ZNF518B: variants seen among roughly 807,000 people sequenced by gnomAD.
The protein encoded by ZNF518B is zinc finger protein 518B.
A neutral mutation model predicts 56.3 loss-of-function variants in ZNF518B; 23 were observed. The observed-to-expected ratio is 0.41, with a 90% CI of 0.29 to 0.58. The LOEUF (loss-of-function observed/expected upper bound fraction) is 0.58, where lower values mean the gene tolerates loss of function less well. Ranked by LOEUF, ZNF518B falls within the 20% of genes least tolerant of loss-of-function variation. The probability of loss-of-function intolerance (pLI) is 0.32; values close to 1 mark genes in which losing one functional copy is unlikely to be tolerated. For missense variants in ZNF518B, 1,460 were observed against 1,272.1 expected (o/e 1.15, Z -2.25); for synonymous variants, 529 against 465.9 (o/e 1.14, Z -1.74).
rs753666558 is a variant in ZNF518B, at chr4:10,446,234, G to A, written c.95C>T (p.Ala32Val). Residue 32 changes from alanine (A) to valine (V), a missense_variant, in exon 3 of 3, where the codon GCA becomes GTA. Transcript: ENST00000326756. ...MSPKQPDANG[A>V]PRPNRQEAQT... is the part of the protein sequence containing the mutation. ...TGCTTCTTGTCTATTTGGCCGAGGT[G>A]CTCCATTAGCATCAGGCTGTTTGGG... is the stretch of plus-strand genomic sequence containing the variant. 1 of 1,614,220 alleles carries A rather than the reference G, an allele frequency of 6.2e-7. No homozygotes were observed. The highest frequency in any genetic ancestry group is 8.5e-7 in the Non-Finnish European group (1 of 1,180,042).
Position 10,446,245 on chromosome 4 carries a change from A to G in ZNF518B, c.84T>C (p.Asp28=). The G allele has an allele frequency of 6.2e-7, 1 of 1,614,240 alleles. No individual in the cohort carries two copies. Among genetic ancestry groups the G allele is most frequent in the Non-Finnish European group, 8.5e-7 (1 of 1,180,052 alleles). ...TATTTGGCCGAGGTGCTCCATTAGC[A>G]TCAGGCTGTTTGGGTGACATGGTCA... ...NSLTMSPKQP[D]ANGAPRPNRQ... The change falls in exon 3 of 3, where the codon GAT becomes GAC. Residue 28 remains aspartate, a synonymous_variant. Coordinates refer to ENST00000326756, the MANE Select transcript of ZNF518B (RefSeq NM_053042.3).
chr4:10,452,026 T>TA (rs1286248361), intron 2 of ZNF518B: 2 of 152,214 alleles, frequency 1.3e-5, no homozygotes, highest in Non-Finnish European at 2.9e-5. Flanking sequence ...AGCTCAGTGT[T>TA]AGTTGACTGT....
chr4:10,445,708 T>C lies in ZNF518B; in HGVS notation c.621A>G (p.Lys207=), dbSNP rs558045840. The change falls in exon 3 of 3, where the codon AAA becomes AAG. Residue 207 remains lysine (K), a synonymous_variant. Coordinates refer to ENST00000326756, the MANE Select transcript of ZNF518B (RefSeq NM_053042.3). ...CCCTTTCATGTACTCTCTTCGTGTG[T>C]TTGACAATATAATCATTTCTAATAG... ...YGAIRNDYIV[K]HTKRVHERAG... is the part of the protein sequence containing the mutation. 6.2e-7 allele frequency: 1 copy of C among 1,614,188 alleles called. No individual in the cohort carries two copies. The highest frequency in any genetic ancestry group is 8.5e-7 in the Non-Finnish European group (1 of 1,180,038).
In ZNF518B at chr4:10,450,241, G is replaced by A. The variant is rs990366442; in HGVS notation, c.-211-3702C>T. ...TAGCAAATGCAGTGTGATGGGGAAG[G>A]CAGGACATCTGGGCCATAAATGAAT... is the stretch of plus-strand genomic sequence containing the variant. On this transcript the variant is annotated intron_variant, in intron 2 of 2. Transcript: ENST00000326756. Among the ~76,000 whole-genome samples the A allele has an allele frequency of 3.9e-5, 6 of 152,316 alleles. No homozygotes were observed. The East Asian group carries it at 1.2e-3, about 29-fold the overall frequency.
rs777245253 is a variant in ZNF518B at position 10,444,243 on chromosome 4, A to G, written c.2086T>C (p.Ser696Pro). 1.4e-5 allele frequency: 23 copies of G among 1,614,200 alleles called. No individual in the cohort carries two copies. Among genetic ancestry groups the G allele is most frequent in the Non-Finnish European group, 1.9e-5 (23 of 1,180,030 alleles). ...GAGGTAGCTTTTGAAGTTCCCTTTGATGCCTGCCCTACAGAGCGACGATGT... is the reference window on the plus strand; with the variant it reads ...GAGGTAGCTTTTGAAGTTCCCTTTGGTGCCTGCCCTACAGAGCGACGATGT... ...SAHRRSVGQA[S>P]KGTSKATSEG... Residue 696 changes from serine (S) to proline (P), a missense_variant, in exon 3 of 3, where the codon TCA becomes CCA. Physicochemically the swap from Ser to Pro is moderately conservative, Grantham distance 74. Coordinates refer to ENST00000326756, the MANE Select transcript of ZNF518B (RefSeq NM_053042.3).
rs758679981 is a variant in ZNF518B, at chr4:10,443,947, A to G, written c.2382T>C (p.Cys794=). Residue 794 remains cysteine, a synonymous_variant, in exon 3 of 3, where the codon TGT becomes TGC. Coordinates refer to ENST00000326756, the MANE Select transcript of ZNF518B (RefSeq NM_053042.3). ...SENAHIIEAT[C]EAPVSIPCSE... is the part of the protein sequence containing the mutation. The stretch of plus-strand genomic sequence containing the variant: ...TGCAAGGTATGCTGACAGGTGCTTC[A>G]CATGTAGCCTCTATGATGTGGGCAT... 1 of 1,614,112 alleles carries G rather than the reference A, an allele frequency of 6.2e-7. No homozygotes were observed. Among genetic ancestry groups the G allele is most frequent in the Non-Finnish European group, 8.5e-7 (1 of 1,180,048 alleles).
chr4:10,445,234 C>G lies in ZNF518B; in HGVS notation c.1095G>C (p.Pro365=), dbSNP rs747124664. Reference sequence around the variant, plus strand: ...CTTCAAGGCAATTATTTTCTTCCAGCGGAAACAGTTTCAGAACAAGCTGCT... The same window carrying G: ...CTTCAAGGCAATTATTTTCTTCCAGGGGAAACAGTTTCAGAACAAGCTGCT... ...GTQQLVLKLF[P]LEENNCLEAG... The change falls in exon 3 of 3, where the codon CCG becomes CCC. Residue 365 remains proline, a synonymous_variant. Coordinates refer to ENST00000326756, the MANE Select transcript of ZNF518B (RefSeq NM_053042.3). 1 of 1,614,182 alleles carries G rather than the reference C, an allele frequency of 6.2e-7. No homozygotes were observed. The highest frequency in any genetic ancestry group is 8.5e-7 in the Non-Finnish European group (1 of 1,180,042).
intron 2 of ZNF518B, among the ~76,000 whole-genome samples, chr4:10,450,346 C>T (rs1715248500): frequency 6.6e-6 from 1 of 152,194 alleles, no homozygotes; most frequent in Non-Finnish European, 1.5e-5. Flanking sequence ...TGCCACATCC[C>T]TCTGTGCAAG....
In ZNF518B at chr4:10,444,274, A is replaced by G. The variant is rs755666896; in HGVS notation, c.2055T>C (p.Asn685=). 2.7e-5 allele frequency: 43 copies of G among 1,614,108 alleles called. No homozygotes were observed. In the South Asian group the frequency reaches 4.4e-4, roughly 16 times the overall value. Residue 685 remains asparagine, a synonymous_variant, in exon 3 of 3, where the codon AAT becomes AAC. Coordinates refer to ENST00000326756, the MANE Select transcript of ZNF518B (RefSeq NM_053042.3). The part of the protein sequence containing the change: ...SCGKPSSLAS[N]SAHRRSVGQA... ...GCCCTACAGAGCGACGATGTGCACTATTTGAAGCCAAAGATGACGGCTTCC... is the reference window on the plus strand; with the variant it reads ...GCCCTACAGAGCGACGATGTGCACTGTTTGAAGCCAAAGATGACGGCTTCC...
At position 10,444,515 on chromosome 4, in the gene ZNF518B, T is replaced by A. The variant is rs1262889959; in HGVS notation, c.1814A>T (p.Glu605Val). Residue 605 changes from glutamate to valine, a missense_variant, in exon 3 of 3, where the codon GAA becomes GTA. Glu to Val is a moderately radical substitution (Grantham distance 121, BLOSUM62 -2). Coordinates refer to ENST00000326756, the MANE Select transcript of ZNF518B (RefSeq NM_053042.3). Reference sequence around the variant, plus strand: ...ATCCCCAGGCTGTTGAGATCTATCTTCTCCAGTTATGTTTATATGTAAATA... The same window carrying A: ...ATCCCCAGGCTGTTGAGATCTATCTACTCCAGTTATGTTTATATGTAAATA... ...SEYLHINITG[E>V]DRSQQPGDKP... The A allele has an allele frequency of 6.2e-7, 1 of 1,614,160 alleles. No homozygotes were observed. The highest frequency in any genetic ancestry group is 8.5e-7 in the Non-Finnish European group (1 of 1,180,020).
At chr4:10,452,679 A>T (rs578231482) in intron 2 of ZNF518B, 1 of 152,236 alleles carries the variant, frequency 6.6e-6, no homozygotes, top group Non-Finnish European at 1.5e-5. Flanking sequence ...CTTGGCTTCT[A>T]AACTATGCTC....
In ZNF518B at chr4:10,443,779, CTCTTT is replaced by C; in HGVS notation, c.2545_2549del (p.Lys849GlufsTer5). The C allele has an allele frequency of 6.2e-7, 1 of 1,614,214 alleles. No individual in the cohort carries two copies. The highest frequency in any genetic ancestry group is 8.5e-7 in the Non-Finnish European group (1 of 1,180,038). On this transcript the variant is annotated frameshift_variant, in exon 3 of 3. Transcript: ENST00000326756. LOFTEE classifies it high-confidence loss of function. ...TATGGATGGTGCTACAGACAGCACT[CTCTTT>C]TCTCAGTTTAGGCCGCAGAGGTGTC...
At chr4:10,460,328 A>AAAAAAAAAAAAAC (rs1715708764), upstream of ZNF518B, among the ~76,000 whole-genome samples, 1 of 142,490 alleles carries the variant, frequency 7.0e-6, no homozygotes, top group Non-Finnish European at 1.5e-5. Flanking sequence ...AAAAAACCAA[A>AAAAAAAAAAAAAC]AAAAAAAAAA....
intron 2 of ZNF518B, among the ~76,000 whole-genome samples, chr4:10,447,914 G>C (rs1715140479): frequency 6.6e-6 from 1 of 152,170 alleles, no homozygotes. Context: ...CTCCCAAAGT[G>C]CTGGGATTAC....
upstream of ZNF518B, among the ~76,000 whole-genome samples, chr4:10,458,959 G>C (rs1227542077): frequency 2.0e-5 from 3 of 152,192 alleles, no homozygotes; most frequent in Admixed American, 6.5e-5. Context: ...ATGCATCACA[G>C]TTCTGCCCTC....
intron 1 of ZNF518B, chr4:10,457,019 G>C (rs1268421728): frequency 2.0e-5 from 3 of 149,528 alleles, no homozygotes; most frequent in South Asian, 2.1e-4. Flanking sequence ...CGCCGGGCCG[G>C]ACCCCGACCC....
In ZNF518B at chr4:10,439,971, G is replaced by A. The variant is rs2108978208; in HGVS notation, c.*3133C>T. 1 of 152,690 alleles carries A rather than the reference G, an allele frequency of 6.5e-6. No homozygotes were observed. The highest frequency in any genetic ancestry group is 6.5e-5 in the Admixed American group (1 of 15,306). 9.5% of individuals were successfully genotyped at this position (152,690 alleles called of 1,614,324 possible). On this transcript the variant is annotated 3_prime_UTR_variant, in exon 3 of 3. Coordinates refer to ENST00000326756, the MANE Select transcript of ZNF518B (RefSeq NM_053042.3). ...ACAAACATGTTTCAAAACCAGAGCA[G>A]CAGACACACAAACTGTTAACACAGG...
chr4:10,459,518 C>T (rs1354653791), upstream of ZNF518B, among the ~76,000 whole-genome samples: 1 of 152,146 alleles, frequency 6.6e-6, no homozygotes, highest in Non-Finnish European at 1.5e-5. Context: ...ATCCCCCACC[C>T]CCAACTTATG....
At chr4:10,455,276 TC>T (rs1403158499) in intron 1 of ZNF518B, among the ~76,000 whole-genome samples, 3 of 152,170 alleles carry the variant, frequency 2.0e-5, no homozygotes, top group Admixed American at 6.5e-5. Flanking sequence ...GACTGGCTGA[TC>T]TGTAGCTGCT....
Sources: gnomAD v4.1 joint callset for allele counts (sites outside exome capture counted in the v4.1 genomes callset) on GRCh38, gnomAD v4.1.1 for gene constraint, MANE v1.5 for transcripts, NCBI Gene and HGNC (gene_info 2026-07-23, HGNC 2026-07-21) for gene names.